Variants in TTC28 observed in about 807,000 individuals in gnomAD.
TTC28 encodes tetratricopeptide repeat protein 28.
TTC28 carries 61 observed loss-of-function variants against 198.0 expected under a neutral mutation model. The ratio of observed to expected loss-of-function variants is 0.31; its 90% CI spans 0.25 to 0.38. The LOEUF (loss-of-function observed/expected upper bound fraction) is 0.38. Ranked by LOEUF, TTC28 falls within the 10% of genes least tolerant of loss-of-function variation. TTC28 has a pLI of 1.00. For synonymous variants in TTC28, 1,171 were observed against 1,297.8 expected (o/e 0.90, Z 2.10); for missense variants, 2,678 against 3,164.0 (o/e 0.85, Z 3.69).
At chr22:28,400,043 A>C (rs2046880070) in intron 2 of TTC28, among the ~76,000 whole-genome samples, 1 of 152,210 alleles carries the variant, frequency 6.6e-6, no homozygotes. Context: ...CATCCCAAAT[A>C]CACATATTTT....
chr22:28,426,382 A>G (rs1327427351), intron 2 of TTC28, among the ~76,000 whole-genome samples: 1 of 152,212 alleles, frequency 6.6e-6, no homozygotes, highest in Non-Finnish European at 1.5e-5. Context: ...GCCAAGGTTA[A>G]CAAAACTAAA....
At chr22:28,441,887 T>A (rs1326380568) in intron 2 of TTC28, among the ~76,000 whole-genome samples, 17 of 119,148 alleles carry the variant, frequency 1.4e-4, no homozygotes, top group South Asian at 2.7e-4. Context: ...ATTTGAAGTT[T>A]AAAAAAAAAA....
Position 28,205,793 on chromosome 22 carries a change from C to A in TTC28, c.934-42194G>T, listed in dbSNP as rs369642409. 9.9e-5 allele frequency among the ~76,000 whole-genome samples: 15 copies of A among 152,028 alleles called. No homozygotes were observed. In the East Asian group the frequency reaches 2.3e-3, roughly 24 times the overall value. ...CCCGTCCATGAATTCCTTTTATGAG[C>A]CACATTTATTTCACCATTAGAGATC... On this transcript the variant is annotated intron_variant, in intron 5 of 22. Coordinates refer to ENST00000397906, the MANE Select transcript of TTC28 (RefSeq NM_001145418.2).
intron 2 of TTC28, among the ~76,000 whole-genome samples, chr22:28,487,034 A>G (rs1166285941): frequency 6.6e-6 from 1 of 152,152 alleles, no homozygotes; most frequent in East Asian, 1.9e-4. Flanking sequence ...TAGTTGAGCA[A>G]GTGAGTGGAG....
intron 2 of TTC28, among the ~76,000 whole-genome samples, chr22:28,422,469 C>T (rs71325297): frequency 2.7e-5 from 4 of 150,784 alleles, no homozygotes; most frequent in Admixed American, 6.6e-5. Context: ...GACGGAGTCT[C>T]GCTCTGTCGC....
chr22:28,676,297 C>G (rs2051989127), intron 1 of TTC28, among the ~76,000 whole-genome samples: 1 of 152,136 alleles, frequency 6.6e-6, no homozygotes, highest in Admixed American at 6.5e-5. Context: ...TGTGAAACCT[C>G]CAGAAGAGCT....
chr22:28,050,854 C>T (rs1459037934), intron 12 of TTC28, among the ~76,000 whole-genome samples: 1 of 152,178 alleles, frequency 6.6e-6, no homozygotes, highest in Non-Finnish European at 1.5e-5. Flanking sequence ...ATAAATACAA[C>T]AAACCCCAAT....
chr22:28,536,435 T>C (rs1007078534), intron 2 of TTC28, among the ~76,000 whole-genome samples: 9 of 150,962 alleles, frequency 6.0e-5, no homozygotes, highest in African/African-American at 9.7e-5. Flanking sequence ...CCATCCTGGC[T>C]AACACGGTGA....
At chr22:28,231,222 T>G (rs956788975) in intron 5 of TTC28, among the ~76,000 whole-genome samples, 1 of 152,192 alleles carries the variant, frequency 6.6e-6, no homozygotes, top group African/African-American at 2.4e-5. Context: ...ACCAACAGTC[T>G]ACAGCAGGAG....
At chr22:28,493,715 C>T (rs931581088) in intron 2 of TTC28, among the ~76,000 whole-genome samples, 1 of 152,182 alleles carries the variant, frequency 6.6e-6, no homozygotes, top group Non-Finnish European at 1.5e-5. Context: ...GTTGTCCTCC[C>T]TCTGCTCCCC....
intron 2 of TTC28, among the ~76,000 whole-genome samples, chr22:28,330,271 T>C (rs1358700576): frequency 2.0e-5 from 3 of 152,206 alleles, no homozygotes; most frequent in African/African-American, 7.2e-5. Context: ...CACAAAATCA[T>C]TTGAAAACAA....
intron 2 of TTC28, among the ~76,000 whole-genome samples, chr22:28,529,930 G>T (rs112226361): frequency 2.4e-4 from 36 of 152,032 alleles, no homozygotes; most frequent in African/African-American, 8.7e-4. Context: ...ACTAAAGGTA[G>T]ATAAAACCAC....
chr22:28,499,258 GA>G (rs1176012006), intron 2 of TTC28, among the ~76,000 whole-genome samples: 2 of 152,032 alleles, frequency 1.3e-5, no homozygotes, highest in African/African-American at 4.8e-5. Context: ...ATGTGACTGT[GA>G]AAAAATGTGA....
intron 2 of TTC28, among the ~76,000 whole-genome samples, chr22:28,534,390 G>A (rs536478718): frequency 4.6e-5 from 7 of 152,196 alleles, no homozygotes; most frequent in African/African-American, 1.2e-4. Flanking sequence ...TTAGAATGGC[G>A]ATCATTAAAA....
intron 5 of TTC28, among the ~76,000 whole-genome samples, chr22:28,173,776 T>C (rs1922902686): frequency 6.6e-6 from 1 of 152,212 alleles, no homozygotes; most frequent in Non-Finnish European, 1.5e-5. Context: ...TATAACCACA[T>C]CGATGACACT....
intron 13 of TTC28, among the ~76,000 whole-genome samples, chr22:28,018,951 T>C (rs1203958001): frequency 1.3e-5 from 2 of 152,158 alleles, no homozygotes; most frequent in Non-Finnish European, 2.9e-5. Flanking sequence ...AAGGGTGAGC[T>C]CCCTTTCACA....
At chr22:28,576,553 G>T (rs1006524864) in intron 2 of TTC28, among the ~76,000 whole-genome samples, 6 of 152,032 alleles carry the variant, frequency 3.9e-5, no homozygotes, top group African/African-American at 1.4e-4. Context: ...AGTTTGATCA[G>T]GATTGGTATT....
chr22:28,103,446 C>T (rs1214223618), intron 8 of TTC28, among the ~76,000 whole-genome samples: 3 of 152,228 alleles, frequency 2.0e-5, no homozygotes, highest in Non-Finnish European at 2.9e-5. Context: ...CAAGGCCCCA[C>T]AGCCTCATCC....
At chr22:28,295,384 A>G (rs2145778137) in intron 5 of TTC28, among the ~76,000 whole-genome samples, 2 of 152,292 alleles carry the variant, frequency 1.3e-5, no homozygotes, top group Middle Eastern at 3.4e-3. Context: ...ATTATAATAA[A>G]AGCTATCATT....
Sources: allele counts gnomAD v4.1 joint callset (sites outside exome capture counted in the v4.1 genomes callset), GRCh38; gene constraint gnomAD v4.1.1; transcripts MANE v1.5; gene names NCBI Gene and HGNC (gene_info 2026-07-23, HGNC 2026-07-21).